SLC25A21: variants seen among roughly 807,000 people sequenced by gnomAD.
SLC25A21 encodes mitochondrial 2-oxodicarboxylate carrier.
A neutral mutation model predicts 43.8 loss-of-function variants in SLC25A21; 47 were observed. That is an observed-to-expected ratio of 1.07 (90% CI 0.85 to 1.37). The LOEUF (loss-of-function observed/expected upper bound fraction) is 1.37, where lower values mean the gene tolerates loss of function less well. SLC25A21 is among the 40% of genes most tolerant of loss of function. The probability of loss-of-function intolerance (pLI) is 0.00; values close to 1 mark genes in which losing one functional copy is unlikely to be tolerated. For missense variants in SLC25A21, 352 were observed against 350.2 expected (o/e 1.00, Z -0.04); for synonymous variants, 131 against 121.3 (o/e 1.08, Z -0.52).
intron 1 of SLC25A21, among the ~76,000 whole-genome samples, chr14:37,073,616 G>A (rs1365569840): frequency 6.6e-6 from 1 of 152,080 alleles, no homozygotes; most frequent in Non-Finnish European, 1.5e-5. Context: ...TCCCAACTGG[G>A]ACCCTAAGGG....
intron 2 of SLC25A21, among the ~76,000 whole-genome samples, chr14:36,829,166 G>A (rs911407909): frequency 6.6e-6 from 1 of 152,048 alleles, no homozygotes. Context: ...CCAAGGTGCT[G>A]GGATTACAGA....
intron 1 of SLC25A21, among the ~76,000 whole-genome samples, chr14:37,096,470 T>G (rs1962696540): frequency 1.3e-5 from 2 of 152,220 alleles, no homozygotes; most frequent in African/African-American, 4.8e-5. Flanking sequence ...TGATCTCTTT[T>G]TCCTACATCC....
intron 1 of SLC25A21, among the ~76,000 whole-genome samples, chr14:36,881,558 CAGA>C (rs1302480426): frequency 6.6e-6 from 1 of 152,172 alleles, no homozygotes; most frequent in Non-Finnish European, 1.5e-5. Context: ...CAACGTAAAG[CAGA>C]AGATCTTATC....
chr14:37,078,255 A>T (rs773640413), intron 1 of SLC25A21, among the ~76,000 whole-genome samples: 6 of 152,030 alleles, frequency 3.9e-5, no homozygotes, highest in Non-Finnish European at 7.4e-5. Flanking sequence ...TAAGGCACAC[A>T]CTCCTGAGGT....
rs148297147 is a variant in SLC25A21 at position 37,045,731 on chromosome 14, G to A, written c.70+126550C>T. 5.6e-3 allele frequency among the ~76,000 whole-genome samples: 852 copies of A among 152,258 alleles called. 7 individuals are homozygous for A. The highest frequency in any genetic ancestry group is 0.015 in the African/African-American group (611 of 41,542). On this transcript the variant is annotated intron_variant, in intron 1 of 9. Transcript: ENST00000331299. ...CTGATCGGGGTCTAGCACCTGACAAGGAATTAGAAGTCTGGGTCCTCTATC... is the reference window on the plus strand; with the variant it reads ...CTGATCGGGGTCTAGCACCTGACAAAGAATTAGAAGTCTGGGTCCTCTATC...
chr14:36,852,199 T>C (rs922271287), intron 2 of SLC25A21, among the ~76,000 whole-genome samples: 20 of 152,138 alleles, frequency 1.3e-4, no homozygotes, highest in East Asian at 1.9e-4. Context: ...GAAAAAGGCA[T>C]AGCCAAAATG....
At chr14:36,992,076 T>C (rs1411858158) in intron 1 of SLC25A21, among the ~76,000 whole-genome samples, 1 of 152,232 alleles carries the variant, frequency 6.6e-6, no homozygotes, top group Non-Finnish European at 1.5e-5. Flanking sequence ...TTAGTGACTA[T>C]ATGTGTGAGG....
intron 1 of SLC25A21, among the ~76,000 whole-genome samples, chr14:37,123,111 T>C (rs1157363659): frequency 6.6e-6 from 1 of 152,226 alleles, no homozygotes; most frequent in African/African-American, 2.4e-5. Context: ...ATTGGTTGTT[T>C]TCTAAAGCAC....
At chr14:36,936,021 AT>A (rs11318082) in intron 1 of SLC25A21, among the ~76,000 whole-genome samples, 79,443 of 151,940 alleles carry the variant, frequency 0.52, 22,320 homozygotes, top group Non-Finnish European at 0.62. Flanking sequence ...GTTATTCCAC[AT>A]TTCCTTTAAT....
chr14:37,005,059 C>T (rs1272073545), intron 1 of SLC25A21, among the ~76,000 whole-genome samples: 4 of 151,832 alleles, frequency 2.6e-5, no homozygotes, highest in East Asian at 2.0e-4. Flanking sequence ...GCAGGGCTTC[C>T]GGTGATCTGT....
In SLC25A21 at chr14:36,729,122, T is replaced by G. The variant is rs1460055543; in HGVS notation, c.330+385A>C. Among the ~76,000 whole-genome samples, 4 of 152,324 alleles carry G rather than the reference T, an allele frequency of 2.6e-5. No individual in the cohort carries two copies. In the East Asian group the frequency reaches 5.8e-4, roughly 22 times the overall value. ...AAGGGATCGATCTGAAGTCTTATAT[T>G]TACTACAGCTGGTGCAAAAGCTGGA... On this transcript the variant is annotated intron_variant, in intron 5 of 9. Coordinates refer to ENST00000331299, the MANE Select transcript of SLC25A21 (RefSeq NM_030631.4).
At chr14:37,029,910 G>A (rs766691444) in intron 1 of SLC25A21, among the ~76,000 whole-genome samples, 9 of 151,656 alleles carry the variant, frequency 5.9e-5, no homozygotes, top group Non-Finnish European at 1.0e-4. Context: ...GATTACAAGC[G>A]TGTGCCACCA....
At chr14:36,794,748 G>A (rs1405054047) in intron 3 of SLC25A21, among the ~76,000 whole-genome samples, 3 of 147,974 alleles carry the variant, frequency 2.0e-5, no homozygotes, top group Non-Finnish European at 4.4e-5. Context: ...CAGCCTGGGT[G>A]ACAGAGCAAG....
intron 1 of SLC25A21, among the ~76,000 whole-genome samples, chr14:36,989,553 C>T (rs776052826): frequency 6.6e-6 from 1 of 150,972 alleles, no homozygotes; most frequent in Non-Finnish European, 1.5e-5. Flanking sequence ...TGTTAATGAA[C>T]TTTTAATCAC....
At chr14:36,803,061 T>C (rs1473051786) in intron 3 of SLC25A21, among the ~76,000 whole-genome samples, 1 of 152,188 alleles carries the variant, frequency 6.6e-6, no homozygotes, top group Non-Finnish European at 1.5e-5. Flanking sequence ...CCCACATCCA[T>C]TGTCAAATCA....
chr14:37,125,453 T>G (rs576374292), intron 1 of SLC25A21, among the ~76,000 whole-genome samples: 1 of 152,208 alleles, frequency 6.6e-6, no homozygotes, highest in East Asian at 1.9e-4. Flanking sequence ...GCAGGTGGAA[T>G]AGATGATCTC....
At chr14:36,758,069 G>A (rs1886000935) in intron 3 of SLC25A21, among the ~76,000 whole-genome samples, 1 of 152,190 alleles carries the variant, frequency 6.6e-6, no homozygotes, top group Non-Finnish European at 1.5e-5. Context: ...AATGCAGACT[G>A]GCTCAGGGGC....
intron 2 of SLC25A21, among the ~76,000 whole-genome samples, chr14:36,868,166 C>T (rs748739002): frequency 4.6e-5 from 7 of 151,996 alleles, no homozygotes; most frequent in Non-Finnish European, 7.4e-5. Flanking sequence ...TTATTTGAAC[C>T]GCTGGAGAGT....
chr14:36,726,486 A>G (rs891073779), intron 5 of SLC25A21, among the ~76,000 whole-genome samples: 4 of 152,164 alleles, frequency 2.6e-5, no homozygotes, highest in African/African-American at 9.6e-5. Context: ...AAAGAAAGAC[A>G]AAGACAAAGA....
Sources: gnomAD v4.1 joint callset for allele counts (sites outside exome capture counted in the v4.1 genomes callset) on GRCh38, gnomAD v4.1.1 for gene constraint, MANE v1.5 for transcripts, NCBI Gene and HGNC (gene_info 2026-07-23, HGNC 2026-07-21) for gene names.